USP5: variants seen among roughly 807,000 people sequenced by gnomAD.
USP5 encodes ubiquitin carboxyl-terminal hydrolase 5.
In USP5, 24 loss-of-function variants were observed where a neutral mutation model predicts 102.5. The ratio of observed to expected loss-of-function variants is 0.23; its 90% CI spans 0.17 to 0.33. The LOEUF (loss-of-function observed/expected upper bound fraction) is 0.33, where lower values mean the gene tolerates loss of function less well. USP5 is among the 10% of genes least tolerant of loss of function. The pLI is 1.00. For missense variants in USP5, 753 were observed against 1,122.1 expected, an observed-to-expected ratio of 0.67 and a Z score of 4.70; for synonymous variants, 460 against 434.8, an observed-to-expected ratio of 1.06 and a Z score of -0.72.
In USP5 at chr12:6,856,379, G is replaced by A. The variant is rs558740385; in HGVS notation, c.513G>A (p.Gly171=). 3.0e-5 allele frequency: 49 copies of A among 1,614,036 alleles called. No individual in the cohort carries two copies. In the East Asian group the frequency reaches 1.0e-3, roughly 35 times the overall value. Reference sequence around the variant, plus strand: ...AGCAGGAGGTGCAGGCATGGGATGGGGAAGTACGGCAGGTGTCTAAGCATG... The same window carrying A: ...AGCAGGAGGTGCAGGCATGGGATGGAGAAGTACGGCAGGTGTCTAAGCATG... ...SRKQEVQAWD[G]EVRQVSKHAF... is the part of the protein sequence containing the mutation. The change falls in exon 5 of 20, where the codon GGG becomes GGA. Residue 171 remains glycine, a synonymous_variant. Coordinates refer to ENST00000229268, the MANE Select transcript of USP5 (RefSeq NM_001098536.2). This position sits in a 1 kb window ranked among gnomAD's most constrained non-coding sequence, Gnocchi z 5.6.
chr12:6,857,844 C>T lies in USP5; in HGVS notation c.864+121C>T, dbSNP rs781921685. 5.6e-4 allele frequency: 490 copies of T among 867,632 alleles called. 3 individuals carry two copies. In the African/African-American group the frequency reaches 7.3e-3, roughly 13 times the overall value. 53.7% of individuals were successfully genotyped at this position (867,632 alleles called of 1,614,324 possible). The stretch of plus-strand genomic sequence containing the variant: ...TCTAGTTAACCCCATCCCCAAGATA[C>T]ACAGGCTTCTTTTAAATATCTAAAA... On this transcript the variant is annotated intron_variant, in intron 7 of 19. Coordinates refer to ENST00000229268, the MANE Select transcript of USP5 (RefSeq NM_001098536.2).
At position 6,861,706 on chromosome 12, in the gene USP5, CT is replaced by C; in HGVS notation, c.1673+92del. 1 of 1,334,570 alleles carries C rather than the reference CT, an allele frequency of 7.5e-7. No individual in the cohort carries two copies. The allele number at this position is 1,334,570 out of a possible 1,614,324, so 82.7% of individuals were successfully genotyped here. ...CTGTCTCTTCCCTGTTCTTTCATCC[CT>C]TTGTGGTTGGAACCTCAGGGTTGAA... On this transcript the variant is annotated intron_variant, in intron 13 of 19. Transcript: ENST00000229268. This position sits in a 1 kb window ranked among gnomAD's most constrained non-coding sequence, Gnocchi z 4.9.
rs781872815 is a variant in USP5, at chr12:6,861,023, T to A, written c.1415T>A (p.Leu472Gln). The A allele has an allele frequency of 6.2e-7, 1 of 1,614,230 alleles. No individual in the cohort carries two copies. Among genetic ancestry groups the A allele is most frequent in the Non-Finnish European group, 8.5e-7 (1 of 1,180,040 alleles). Residue 472 changes from leucine to glutamine, a missense_variant, in exon 12 of 20, where the codon CTG becomes CAG. Physicochemically the swap from Leu to Gln is moderately radical, Grantham distance 113 (BLOSUM62 -2). Transcript: ENST00000229268. The surrounding 1 kb of genome is among the most constrained non-coding windows in gnomAD (Gnocchi z 4.9). Reference protein sequence around the residue: ...RFLVEEKIKCLATEKVKYTQR... With the variant: ...RFLVEEKIKCQATEKVKYTQR... Reference sequence around the variant, plus strand: ...TTGGTGGAGGAAAAGATCAAGTGCCTGGCCACAGAGAAGGTGAAGTACACC... The same window carrying A: ...TTGGTGGAGGAAAAGATCAAGTGCCAGGCCACAGAGAAGGTGAAGTACACC...
At chr12:6,865,024 G>C (rs1944393941) in intron 18 of USP5, 140 bp from the exon 19 acceptor site, 2 of 1,318,980 alleles carry the variant, frequency 1.5e-6, no homozygotes, top group African/African-American at 2.9e-5. Flanking sequence ...TCTCTGACAT[G>C]GAGACAGGCT....
intron 6 of USP5, 30 bp from the exon 7 acceptor site, chr12:6,857,599 C>T (rs781888716): frequency 6.9e-6 from 11 of 1,602,726 alleles, no homozygotes; most frequent in Non-Finnish European, 9.4e-6. Flanking sequence ...GAGCCACTTC[C>T]CCTGATTCTC....
Position 6,855,719 on chromosome 12 carries a change from C to A in USP5, c.238-36C>A, listed in dbSNP as rs782489986. 1.8e-5 allele frequency: 29 copies of A among 1,613,544 alleles called. No individual in the cohort carries two copies. Among genetic ancestry groups the A allele is most frequent in the Non-Finnish European group, 2.4e-5 (28 of 1,179,564 alleles). Reference sequence around the variant, plus strand: ...CTCCCGACTTGTTCCTTCGCTCGTGCTCATTGCTGATCCAGCCCTTCCTGC... The same window carrying A: ...CTCCCGACTTGTTCCTTCGCTCGTGATCATTGCTGATCCAGCCCTTCCTGC... On this transcript the variant is annotated intron_variant, in intron 2 of 19. Coordinates refer to ENST00000229268, the MANE Select transcript of USP5 (RefSeq NM_001098536.2). The surrounding 1 kb of genome is among the most constrained non-coding windows in gnomAD (Gnocchi z 4.6).
Position 6,863,605 on chromosome 12 carries a change from G to T in USP5, c.1955-225G>T, listed in dbSNP as rs1944338620. Among the ~76,000 whole-genome samples, 1 of 152,158 alleles carries T rather than the reference G, an allele frequency of 6.6e-6. No individual in the cohort carries two copies. The highest frequency in any genetic ancestry group is 6.5e-5 in the Admixed American group (1 of 15,288). ...CTGCCCTTGTTACCTCCCTGGTTTG[G>T]GTAGGGTGGGGGTATCATGCTCCAG... On this transcript the variant is annotated intron_variant, in intron 15 of 19. Transcript: ENST00000229268. The surrounding 1 kb of genome is among the most constrained non-coding windows in gnomAD (Gnocchi z 4.7).
intron 9 of USP5, 75 bp downstream of exon 9, chr12:6,859,616 G>C (rs1160450250): frequency 7.0e-7 from 1 of 1,437,030 alleles, no homozygotes; most frequent in Non-Finnish European, 9.8e-7. Flanking sequence ...TGACCGCCTG[G>C]GGGGCACAGC....
rs1265638011 is a variant in USP5 at position 6,860,768 on chromosome 12, T to C, written c.1345-185T>C. On this transcript the variant is annotated intron_variant, in intron 11 of 19. Coordinates refer to ENST00000229268, the MANE Select transcript of USP5 (RefSeq NM_001098536.2). The surrounding 1 kb of genome is among the most constrained non-coding windows in gnomAD (Gnocchi z 5.5). Reference sequence around the variant, plus strand: ...TACAAGCGTGTTCTAACACAGTCCCTCAGTGCAGGGATGGGGCCAGAAATG... The same window carrying C: ...TACAAGCGTGTTCTAACACAGTCCCCCAGTGCAGGGATGGGGCCAGAAATG... 6.6e-6 allele frequency among the ~76,000 whole-genome samples: 1 copy of C among 152,154 alleles called. No individual in the cohort carries two copies. Among genetic ancestry groups the C allele is most frequent in the African/African-American group, 2.4e-5 (1 of 41,428 alleles).
chr12:6,861,403 A>G lies in USP5; in HGVS notation c.1499-40A>G, dbSNP rs200559409. 2 of 1,528,462 alleles carry G rather than the reference A, an allele frequency of 1.3e-6. No individual in the cohort carries two copies. The highest frequency in any genetic ancestry group is 4.0e-5 in the Admixed American group (2 of 49,526). 94.7% of individuals were successfully genotyped at this position (1,528,462 alleles called of 1,614,324 possible). A position where few individuals can be genotyped will look rare whatever the true frequency, so the allele number is the denominator to read the frequency against. On this transcript the variant is annotated intron_variant, in intron 12 of 19. Transcript: ENST00000229268. This position sits in a 1 kb window ranked among gnomAD's most constrained non-coding sequence, Gnocchi z 4.9. The stretch of plus-strand genomic sequence containing the variant: ...GGAGAGGCTAAGGAGGCAAAGAAGC[A>G]GCACCCTCCGAAGGATCCACCAACC...
Position 6,863,468 on chromosome 12 carries a change from C to T in USP5, c.1954+91C>T. 8 of 1,432,232 alleles carry T rather than the reference C, an allele frequency of 5.6e-6. No individual in the cohort carries two copies. The highest frequency in any genetic ancestry group is 6.7e-6 in the Non-Finnish European group (7 of 1,048,530). The allele number at this position is 1,432,232 out of a possible 1,614,324, so 88.7% of individuals were successfully genotyped here. A position where few individuals can be genotyped will look rare whatever the true frequency, so the allele number is the denominator to read the frequency against. On this transcript the variant is annotated intron_variant, in intron 15 of 19. Coordinates refer to ENST00000229268, the MANE Select transcript of USP5 (RefSeq NM_001098536.2). This position sits in a 1 kb window ranked among gnomAD's most constrained non-coding sequence, Gnocchi z 4.7. ...CCTGCCCCTGTCCTTTGTGTTTCTC[C>T]TGTCCTCCCTTTCAAATTTCCTCTG...
chr12:6,865,368 G>A, intron 19 of USP5, 120 bp downstream of exon 19: 1 of 861,524 alleles, frequency 1.2e-6, no homozygotes, highest in East Asian at 2.6e-5. Flanking sequence ...GGGACATAAA[G>A]TGCCAGAGAG....
Position 6,856,228 on chromosome 12 carries a change from A to G in USP5, c.439-77A>G. 1.2e-6 allele frequency: 2 copies of G among 1,606,832 alleles called. No homozygotes were observed. Among genetic ancestry groups the G allele is most frequent in the Non-Finnish European group, 1.7e-6 (2 of 1,175,172 alleles). ...AGTGGTGTCTTAGGCAAGCACTGAC[A>G]AAGCTGAAGGCCAAGGGGAAGAGGG... On this transcript the variant is annotated intron_variant, in intron 4 of 19. Coordinates refer to ENST00000229268, the MANE Select transcript of USP5 (RefSeq NM_001098536.2). The surrounding 1 kb of genome is among the most constrained non-coding windows in gnomAD (Gnocchi z 5.6).
chr12:6,864,795 A>G lies in USP5; in HGVS notation c.2318A>G (p.Asp773Gly). The G allele has an allele frequency of 6.2e-7, 1 of 1,613,868 alleles. No individual in the cohort carries two copies. Among genetic ancestry groups the G allele is most frequent in the Non-Finnish European group, 8.5e-7 (1 of 1,180,022 alleles). The change falls in exon 18 of 20, where the codon GAC (aspartate) becomes GGC (glycine). Residue 773 changes from aspartate to glycine, a missense_variant. Physicochemically the swap from Asp to Gly is moderately conservative, Grantham distance 94. Coordinates refer to ENST00000229268, the MANE Select transcript of USP5 (RefSeq NM_001098536.2). This position sits in a 1 kb window ranked among gnomAD's most constrained non-coding sequence, Gnocchi z 4.8. ...GACCTGGATGCTGAAGCTGCCATGG[A>G]CATCTCAGAGGGCCGCTCAGCTGCC... ...IDDLDAEAAM[D>G]ISEGRSAADS...
rs781827570 is a variant in USP5 at position 6,863,302 on chromosome 12, C to T, written c.1879C>T (p.Pro627Ser). The T allele has an allele frequency of 6.2e-7, 1 of 1,614,192 alleles. No individual in the cohort carries two copies. The highest frequency in any genetic ancestry group is 8.5e-7 in the Non-Finnish European group (1 of 1,180,040). Residue 627 changes from proline (P) to serine (S), a missense_variant, in exon 15 of 20, where the codon CCC becomes TCC. Physicochemically the swap from Pro to Ser is moderately conservative, Grantham distance 74 (BLOSUM62 -1). Around this residue, in one of 3 missense-constraint regions of USP5, gnomAD observed 527 missense variants for 816.5 expected, o/e 0.65. Coordinates refer to ENST00000229268, the MANE Select transcript of USP5 (RefSeq NM_001098536.2). This position sits in a 1 kb window ranked among gnomAD's most constrained non-coding sequence, Gnocchi z 4.7. ...IAPPLVTPDE[P>S]KGSLGFYGNE... The stretch of plus-strand genomic sequence containing the variant: ...CCCACCCCTGGTCACTCCGGATGAG[C>T]CCAAAGGTAGCCTTGGTTTCTATGG...
chr12:6,855,986 C>G lies in USP5; in HGVS notation c.305-31C>G. The G allele has an allele frequency of 2.5e-6, 4 of 1,613,620 alleles. No homozygotes were observed. The highest frequency in any genetic ancestry group is 3.4e-6 in the Non-Finnish European group (4 of 1,179,632). On this transcript the variant is annotated intron_variant, in intron 3 of 19. Transcript: ENST00000229268. The surrounding 1 kb of genome is among the most constrained non-coding windows in gnomAD (Gnocchi z 4.6). Reference sequence around the variant, plus strand: ...GGGACATTGACCTGTTGTCATTGCTCTACTCTCCCTCTTCTTCCCTATCCT... The same window carrying G: ...GGGACATTGACCTGTTGTCATTGCTGTACTCTCCCTCTTCTTCCCTATCCT...
intron 9 of USP5, 83 bp downstream of exon 9, chr12:6,859,624 A>C: frequency 7.3e-7 from 1 of 1,369,956 alleles, no homozygotes; most frequent in African/African-American, 1.4e-5. Context: ...TGGGGGGCAC[A>C]GCACTTTAAC....
Position 6,856,181 on chromosome 12 carries a change from C to A in USP5, c.438+31C>A, listed in dbSNP as rs369743798. 1 of 1,613,308 alleles carries A rather than the reference C, an allele frequency of 6.2e-7. No individual in the cohort carries two copies. Among genetic ancestry groups the A allele is most frequent in the African/African-American group, 1.3e-5 (1 of 74,842 alleles). On this transcript the variant is annotated intron_variant, in intron 4 of 19. Transcript: ENST00000229268. The surrounding 1 kb of genome is among the most constrained non-coding windows in gnomAD (Gnocchi z 5.6). ...ACTGCCCCCTATGCTACCCAAGATT[C>A]TAGAGCAAGATGGGCCAGGGTAGTG... is the stretch of plus-strand genomic sequence containing the variant.
At chr12:6,865,947 GT>G in intron 19 of USP5, 36 bp from the exon 20 acceptor site, 1 of 1,586,944 alleles carries the variant, frequency 6.3e-7, no homozygotes, top group Non-Finnish European at 8.7e-7. Context: ...TGAATGCCCA[GT>G]TTGTTCATCC....
Sources: gnomAD v4.1 joint callset for allele counts (sites outside exome capture counted in the v4.1 genomes callset) on GRCh38, gnomAD v4.1.1 for gene constraint, gnomAD v4.1.1 regional missense constraint, Gnocchi (gnomAD v3.1) non-coding constraint, MANE v1.5 for transcripts, NCBI Gene and HGNC (gene_info 2026-07-23, HGNC 2026-07-21) for gene names.